LRRC4C: variants seen among roughly 807,000 people sequenced by gnomAD.
The protein encoded by LRRC4C is leucine rich repeat containing 4C.
A neutral mutation model predicts 33.6 loss-of-function variants in LRRC4C; 5 were observed. That is an observed-to-expected ratio of 0.15 (90% confidence interval 0.08 to 0.31). LRRC4C has a LOEUF of 0.31. LRRC4C is among the 10% of genes least tolerant of loss of function. The probability of loss-of-function intolerance (pLI) is 1.00; values close to 1 mark genes in which losing one functional copy is unlikely to be tolerated. For missense variants in LRRC4C, 560 were observed against 796.7 expected (o/e 0.70, Z 3.58); for synonymous variants, 329 against 302.0 (o/e 1.09, Z -0.93).
At chr11:41,043,783 C>T (rs1029224264) in intron 1 of LRRC4C, among the ~76,000 whole-genome samples, 4 of 151,946 alleles carry the variant, frequency 2.6e-5, no homozygotes, top group South Asian at 2.1e-4. Flanking sequence ...CATATAGATG[C>T]TAAACAATTA....
At chr11:40,322,062 T>C (rs1007570035) in intron 3 of LRRC4C, among the ~76,000 whole-genome samples, 2 of 151,964 alleles carry the variant, frequency 1.3e-5, no homozygotes, top group Admixed American at 1.3e-4. Context: ...ATTCATTAAA[T>C]GTGGGGCTGG....
At chr11:40,655,602 AACCC>A (rs1943060608) in intron 2 of LRRC4C, among the ~76,000 whole-genome samples, 1 of 152,190 alleles carries the variant, frequency 6.6e-6, no homozygotes, top group Non-Finnish European at 1.5e-5. Flanking sequence ...CCTCTACAGA[AACCC>A]ACTGTCCTGG....
At chr11:41,207,169 T>C (rs1946634734) in intron 1 of LRRC4C, among the ~76,000 whole-genome samples, 1 of 152,158 alleles carries the variant, frequency 6.6e-6, no homozygotes, top group Non-Finnish European at 1.5e-5. Context: ...CTTAAGACTG[T>C]GGTTTTCAAT....
intron 1 of LRRC4C, among the ~76,000 whole-genome samples, chr11:41,171,084 C>T (rs1944956711): frequency 6.6e-6 from 1 of 151,850 alleles, no homozygotes; most frequent in East Asian, 1.9e-4. Flanking sequence ...GAATGGTGAT[C>T]ATTAAAAAGT....
intron 1 of LRRC4C, among the ~76,000 whole-genome samples, chr11:41,287,249 G>T (rs1168973405): frequency 3.9e-5 from 6 of 152,086 alleles, no homozygotes. Context: ...TACATAGAAA[G>T]AACTATAACA....
At chr11:41,396,143 AC>A (rs770759287) in intron 1 of LRRC4C, among the ~76,000 whole-genome samples, 3 of 151,474 alleles carry the variant, frequency 2.0e-5, no homozygotes, top group Non-Finnish European at 2.9e-5. Flanking sequence ...AAAAGATTGG[AC>A]CCCCCGTTGC....
intron 1 of LRRC4C, among the ~76,000 whole-genome samples, chr11:41,298,967 T>C (rs912711165): frequency 4.6e-5 from 7 of 152,168 alleles, no homozygotes; most frequent in African/African-American, 1.7e-4. Context: ...GCAAAAGACA[T>C]GTTTTTATTT....
chr11:40,328,391 A>G (rs1198747517), intron 3 of LRRC4C, among the ~76,000 whole-genome samples: 2 of 152,240 alleles, frequency 1.3e-5, no homozygotes, highest in African/African-American at 4.8e-5. Flanking sequence ...ATTGCCTAAA[A>G]GAACATATTC....
intron 4 of LRRC4C, among the ~76,000 whole-genome samples, chr11:40,296,271 C>A (rs1276425059): frequency 6.6e-6 from 1 of 152,142 alleles, no homozygotes; most frequent in South Asian, 2.1e-4. Context: ...ACCTTGAATT[C>A]GTCACATGGC....
In LRRC4C at chr11:41,019,434, G is replaced by A. The variant is rs139263950; in HGVS notation, c.-495-85711C>T. Reference sequence around the variant, plus strand: ...CCAGTCTATCATTGATGGGCATTTGGGTTGGTTTCATGTCTTTGCTATTGT... The same window carrying A: ...CCAGTCTATCATTGATGGGCATTTGAGTTGGTTTCATGTCTTTGCTATTGT... On this transcript the variant is annotated intron_variant, in intron 1 of 6. Coordinates refer to ENST00000528697, the MANE Select transcript of LRRC4C (RefSeq NM_001258419.2). Among the ~76,000 whole-genome samples the A allele has an allele frequency of 7.6e-3, 1,153 of 152,068 alleles. 13 individuals are homozygous for A. The highest frequency in any genetic ancestry group is 0.027 in the African/African-American group (1,107 of 41,484).
At chr11:40,633,827 T>G (rs1460267066) in intron 3 of LRRC4C, among the ~76,000 whole-genome samples, 1 of 152,218 alleles carries the variant, frequency 6.6e-6, no homozygotes, top group African/African-American at 2.4e-5. Context: ...TTTATACTTC[T>G]ACAGTGTTTG....
chr11:41,431,764 A>G (rs1955244987), intron 1 of LRRC4C, among the ~76,000 whole-genome samples: 1 of 152,148 alleles, frequency 6.6e-6, no homozygotes, highest in Admixed American at 6.5e-5. Context: ...ACATGCAGAT[A>G]ACCAAATAAC....
intron 1 of LRRC4C, among the ~76,000 whole-genome samples, chr11:41,274,336 A>G (rs1219759167): frequency 6.6e-6 from 1 of 152,156 alleles, no homozygotes; most frequent in East Asian, 1.9e-4. Flanking sequence ...AATAAACTCA[A>G]CGGGATCAAG....
At chr11:40,272,758 G>A (rs1489034866) in intron 4 of LRRC4C, among the ~76,000 whole-genome samples, 1 of 151,880 alleles carries the variant, frequency 6.6e-6, no homozygotes, top group African/African-American at 2.4e-5. Flanking sequence ...TCACGTTGGA[G>A]GAAAGCATGT....
chr11:41,156,179 C>T (rs1160118149), intron 1 of LRRC4C, among the ~76,000 whole-genome samples: 1 of 152,018 alleles, frequency 6.6e-6, no homozygotes, highest in Non-Finnish European at 1.5e-5. Flanking sequence ...AGTGTCTGCC[C>T]CAGTGTTGCT....
chr11:40,367,891 A>G lies in LRRC4C; in HGVS notation c.-269-48170T>C, dbSNP rs115413786. Reference sequence around the variant, plus strand: ...AAGCTTTCTAAAGGCAGAGTTTTGCATATTTATATATGTTCCAGTCTTTAG... The same window carrying G: ...AAGCTTTCTAAAGGCAGAGTTTTGCGTATTTATATATGTTCCAGTCTTTAG... On this transcript the variant is annotated intron_variant, in intron 3 of 6. Coordinates refer to ENST00000528697, the MANE Select transcript of LRRC4C (RefSeq NM_001258419.2). Among the ~76,000 whole-genome samples the G allele has an allele frequency of 5.4e-3, 816 of 152,258 alleles. 11 individuals are homozygous for G. Among genetic ancestry groups the G allele is most frequent in the African/African-American group, 0.019 (769 of 41,566 alleles).
intron 1 of LRRC4C, among the ~76,000 whole-genome samples, chr11:41,341,982 A>C (rs1951655032): frequency 6.6e-6 from 1 of 151,466 alleles, no homozygotes; most frequent in Admixed American, 6.6e-5. Flanking sequence ...AATATCTGGG[A>C]CATAGAGAGT....
At position 40,138,250 on chromosome 11, in the gene LRRC4C, C is replaced by G. The variant is rs539572622; in HGVS notation, c.-43+2551G>C. On this transcript the variant is annotated intron_variant, in intron 6 of 6. Coordinates refer to ENST00000528697, the MANE Select transcript of LRRC4C (RefSeq NM_001258419.2). The stretch of plus-strand genomic sequence containing the variant: ...TGGTGCAATCATAGCTCACTGTAAC[C>G]TTGAACTTCTGGGCTCAAGTAAACC... 1.6e-3 allele frequency among the ~76,000 whole-genome samples: 250 copies of G among 151,966 alleles called. 1 individual carries two copies. The highest frequency in any genetic ancestry group is 5.9e-3 in the African/African-American group (245 of 41,410).
chr11:41,003,370 A>G (rs930393755), intron 1 of LRRC4C, among the ~76,000 whole-genome samples: 1 of 152,202 alleles, frequency 6.6e-6, no homozygotes, highest in Non-Finnish European at 1.5e-5. Flanking sequence ...TAATTCAAAT[A>G]ACATACTAAA....
Sources: gnomAD v4.1 joint callset for allele counts (sites outside exome capture counted in the v4.1 genomes callset) on GRCh38, gnomAD v4.1.1 for gene constraint, MANE v1.5 for transcripts, NCBI Gene and HGNC (gene_info 2026-07-23, HGNC 2026-07-21) for gene names.